SLC19A1: variants seen among roughly 807,000 people sequenced by gnomAD.
SLC19A1 encodes reduced folate transporter.
Under a neutral mutation model 35.3 loss-of-function variants are expected in SLC19A1, and 37 were observed. The observed-to-expected ratio is 1.05, with a 90% confidence interval of 0.81 to 1.38. SLC19A1 has a LOEUF of 1.38. SLC19A1 is among the 40% of genes most tolerant of loss of function. SLC19A1 has a pLI of 0.00. For missense variants in SLC19A1, 831 were observed against 826.9 expected (o/e 1.00, Z -0.06); for synonymous variants, 460 against 398.5 (o/e 1.15, Z -1.84).
chr21:45,520,893 G>A (rs1238425950), intron 5 of SLC19A1, among the ~76,000 whole-genome samples: 6 of 152,096 alleles, frequency 3.9e-5, no homozygotes, highest in Non-Finnish European at 8.8e-5. Context: ...GGTGGCACAT[G>A]CCTGTAATCC....
chr21:45,535,623 G>A (rs1333056691), intron 2 of SLC19A1, among the ~76,000 whole-genome samples: 7 of 152,162 alleles, frequency 4.6e-5, no homozygotes, highest in Non-Finnish European at 7.4e-5. Flanking sequence ...AGCAGCATTC[G>A]CCCCAGGAGT....
intron 1 of SLC19A1, among the ~76,000 whole-genome samples, chr21:45,556,010 C>T (rs1015196071): frequency 6.6e-6 from 1 of 152,216 alleles, no homozygotes; most frequent in African/African-American, 2.4e-5. Context: ...CAGGAAGACC[C>T]CCGCCCTAAT....
chr21:45,527,323 C>CG (rs2077663148), intron 4 of SLC19A1, among the ~76,000 whole-genome samples: 1 of 133,236 alleles, frequency 7.5e-6, no homozygotes. Context: ...TGAGTGGCAG[C>CG]GGGCAGGGTG....
chr21:45,525,943 A>G lies in SLC19A1; in HGVS notation c.1167T>C (p.Ser389=), dbSNP rs1415589389. 6.2e-7 allele frequency: 1 copy of G among 1,613,398 alleles called. No individual in the cohort carries two copies. Among genetic ancestry groups the G allele is most frequent in the Non-Finnish European group, 8.5e-7 (1 of 1,179,894 alleles). Reference sequence around the variant, plus strand: ...GGGCACAGAGCTCTTTAGACAGAGAAGATGCAATCTGAAAGCTGAACGGGA... The same window carrying G: ...GGGCACAGAGCTCTTTAGACAGAGAGGATGCAATCTGAAAGCTGAACGGGA... The part of the protein sequence containing the change: ...LVPIATFQIA[S]SLSKELCALV... The change falls in exon 5 of 6, where the codon TCT becomes TCC. Residue 389 remains serine (S), a synonymous_variant. Transcript: ENST00000311124.
In SLC19A1 at chr21:45,531,430, C is replaced by T. The variant is rs145725041; in HGVS notation, c.908G>A (p.Arg303Gln). 47 of 1,608,530 alleles carry T rather than the reference C, an allele frequency of 2.9e-5. No individual in the cohort carries two copies. The African/African-American group carries it at 5.6e-4, about 19-fold the overall frequency. ...AGCATCTGCCGCGCCGTTGTAGACC[C>T]GCGCACTGTTGGTGGTGGGGTCCAC... ...NEVDPTTNSA[R>Q]VYNGAADAAS... The change falls in exon 3 of 6, where the codon CGG becomes CAG. Residue 303 changes from arginine to glutamine, a missense_variant. Coordinates refer to ENST00000311124, the MANE Select transcript of SLC19A1 (RefSeq NM_194255.4).
chr21:45,514,038 TGGTGGACG>T lies in SLC19A1; in HGVS notation c.*1612_*1619del, dbSNP rs2037760588. 1 of 152,370 alleles carries T rather than the reference TGGTGGACG, an allele frequency of 6.6e-6. No individual in the cohort carries two copies. Among genetic ancestry groups the T allele is most frequent in the Non-Finnish European group, 1.5e-5 (1 of 68,164 alleles). The allele number at this position is 152,370 out of a possible 1,614,324, so 9.4% of individuals were successfully genotyped here. A position where few individuals can be genotyped will look rare whatever the true frequency, so the allele number is the denominator to read the frequency against. Reference sequence around the variant, plus strand: ...TACATCCTGACAGCCATCCCTGTCCTGGTGGACGGGTGAGTGCAGGACTCAGAGGCAGG... The same window carrying T: ...TACATCCTGACAGCCATCCCTGTCCTGGTGAGTGCAGGACTCAGAGGCAGG... On this transcript the variant is annotated 3_prime_UTR_variant, in exon 6 of 6. Coordinates refer to ENST00000311124, the MANE Select transcript of SLC19A1 (RefSeq NM_194255.4).
At chr21:45,504,996 G>A in intron 3 of SLC19A1, 1 of 1,088,348 alleles carries the variant, frequency 9.2e-7, no homozygotes, top group Non-Finnish European at 1.3e-6. Context: ...CTCAGGCTAT[G>A]GCGTGGGCAG....
In SLC19A1 at chr21:45,515,799, G is replaced by A; in HGVS notation, c.1635C>T (p.Pro545=). 1 of 1,612,586 alleles carries A rather than the reference G, an allele frequency of 6.2e-7. No individual in the cohort carries two copies. Among genetic ancestry groups the A allele is most frequent in the Non-Finnish European group, 8.5e-7 (1 of 1,179,208 alleles). Reference sequence around the variant, plus strand: ...AGGCTTGGGCGGAGCACAGAGTGCAGGGGGAAGGGGTTGTCACTGGGCTCA... The same window carrying A: ...AGGCTTGGGCGGAGCACAGAGTGCAAGGGGAAGGGGTTGTCACTGGGCTCA... ...EFLSPVTTPS[P]CTLCSAQASG... is the part of the protein sequence containing the mutation. Residue 545 remains proline, a synonymous_variant, in exon 6 of 6, where the codon CCC becomes CCT. Transcript: ENST00000311124.
chr21:45,511,354 T>C (rs2037598286), downstream of SLC19A1: 1 of 686,312 alleles, frequency 1.5e-6, no homozygotes, highest in Non-Finnish European at 2.7e-6. Context: ...ACTTTAAAAT[T>C]ACAAAATCCA....
intron 1 of SLC19A1, among the ~76,000 whole-genome samples, chr21:45,552,286 C>T (rs1238537257): frequency 2.6e-5 from 4 of 152,164 alleles, no homozygotes; most frequent in Non-Finnish European, 5.9e-5. Context: ...CTCAGGACCT[C>T]CCTCCCAGCC....
intron 5 of SLC19A1, 72 bp downstream of exon 5, chr21:45,525,745 C>T (rs908347437): frequency 1.3e-6 from 2 of 1,548,090 alleles, no homozygotes; most frequent in Non-Finnish European, 8.8e-7. Flanking sequence ...ATCAGGCGGG[C>T]ACCAGGAGGC....
At chr21:45,542,691 C>A (rs2146467955), upstream of SLC19A1, among the ~76,000 whole-genome samples, 2 of 151,458 alleles carry the variant, frequency 1.3e-5, no homozygotes, top group South Asian at 4.2e-4. Context: ...GACCGCCCCT[C>A]GGGCCCCCAC....
Position 45,551,067 on chromosome 21 carries a change from C to CA in SLC19A1, c.-50+11674_-50+11675insT, listed in dbSNP as rs1431644026. On this transcript the variant is annotated intron_variant, in intron 1 of 5. Transcript: ENST00000650808. ...CCTGTTCTTCACAGTCCCAGCTACG[C>CA]CTGGGTTGGTTGCACTCTCTGTTCC... 2.0e-5 allele frequency among the ~76,000 whole-genome samples: 3 copies of CA among 151,596 alleles called. 1 individual carries two copies. The highest frequency in any genetic ancestry group is 4.4e-5 in the Non-Finnish European group (3 of 67,958).
chr21:45,531,165 G>C (rs181266423), intron 3 of SLC19A1, among the ~76,000 whole-genome samples, 194 bp from the exon 4 acceptor site: 70 of 132 alleles, frequency 0.53, 9 homozygotes, highest in African/African-American at 0.59. Flanking sequence ...GGGGCGGGGA[G>C]GGGGAGCCTC....
At chr21:45,507,546 G>A in intron 3 of SLC19A1, 1 of 1,612,422 alleles carries the variant, frequency 6.2e-7, no homozygotes, top group Non-Finnish European at 8.5e-7. Flanking sequence ...GGGTGACCCT[G>A]CTGCTTTCTT....
At position 45,516,000 on chromosome 21, in the gene SLC19A1, C is replaced by T. The variant is rs71324431; in HGVS notation, c.1434G>A (p.Glu478=). 2 of 1,568,866 alleles carry T rather than the reference C, an allele frequency of 1.3e-6. No homozygotes were observed. Among genetic ancestry groups the T allele is most frequent in the Non-Finnish European group, 1.7e-6 (2 of 1,157,944 alleles). Residue 478 remains glutamate, a synonymous_variant, in exon 6 of 6, where the codon GAG becomes GAA. Transcript: ENST00000311124. ...GCACGCTCAGTGCCTGTGCTGCCTT[C>T]TCCTCCGCGGCACTCCTCAGGCCCT... ...PAQGLRSAAE[E]KAAQALSVQD...
At chr21:45,526,331 C>T (rs1356963537) in intron 4 of SLC19A1, among the ~76,000 whole-genome samples, 1 of 152,222 alleles carries the variant, frequency 6.6e-6, no homozygotes, top group Non-Finnish European at 1.5e-5. Context: ...CATTTATGCT[C>T]ATATGCACTG....
chr21:45,510,421 A>G (rs1451316199), downstream of SLC19A1, among the ~76,000 whole-genome samples: 1 of 152,086 alleles, frequency 6.6e-6, no homozygotes, highest in Admixed American at 6.5e-5. Context: ...CGGGTGGGTC[A>G]CACCCCTCCA....
At chr21:45,509,530 T>C, downstream of SLC19A1, 1 of 1,536,840 alleles carries the variant, frequency 6.5e-7, no homozygotes, top group Non-Finnish European at 8.7e-7. Flanking sequence ...GCACCACAGC[T>C]CCTACGTGCA....
Sources: allele counts gnomAD v4.1 joint callset (sites outside exome capture counted in the v4.1 genomes callset), GRCh38; gene constraint gnomAD v4.1.1; transcripts MANE v1.5; gene names NCBI Gene and HGNC (gene_info 2026-07-23, HGNC 2026-07-21).